The following LRRTM4 variants were observed in gnomAD, a reference collection of about 807,000 sequenced individuals.
The protein encoded by LRRTM4 is leucine rich repeat transmembrane neuronal 4.
A neutral mutation model predicts 47.6 loss-of-function variants in LRRTM4; 25 were observed. The ratio of observed to expected loss-of-function variants is 0.53; its 90% CI spans 0.38 to 0.73. LRRTM4 has a LOEUF of 0.73. Ranked by LOEUF, LRRTM4 falls within the 30% of genes least tolerant of loss-of-function variation. LRRTM4 has a pLI of 0.00. For synonymous variants in LRRTM4, 311 were observed against 269.5 expected (o/e 1.15, Z -1.51); for missense variants, 638 against 713.4 (o/e 0.89, Z 1.20).
At chr2:76,930,423 T>G (rs1244160168) in intron 3 of LRRTM4, among the ~76,000 whole-genome samples, 1 of 150,924 alleles carries the variant, frequency 6.6e-6, no homozygotes, top group African/African-American at 2.5e-5. Context: ...TTGTTCTTAT[T>G]TTATTATTTT....
At chr2:76,816,457 G>A (rs1394710423) in intron 3 of LRRTM4, among the ~76,000 whole-genome samples, 2 of 152,022 alleles carry the variant, frequency 1.3e-5, no homozygotes, top group Non-Finnish European at 2.9e-5. Flanking sequence ...TGAAAGCTAT[G>A]CTTTACAAGC....
At chr2:77,245,121 G>A (rs1675396148) in intron 3 of LRRTM4, among the ~76,000 whole-genome samples, 1 of 152,112 alleles carries the variant, frequency 6.6e-6, no homozygotes, top group African/African-American at 2.4e-5. Context: ...AAATGCTACT[G>A]AGAGAGACAA....
At chr2:76,759,997 T>A (rs1558635760) in intron 3 of LRRTM4, among the ~76,000 whole-genome samples, 1 of 152,192 alleles carries the variant, frequency 6.6e-6, no homozygotes, top group Non-Finnish European at 1.5e-5. Flanking sequence ...CTTCACGATG[T>A]CAGAAAACTT....
rs566514636 is a variant in LRRTM4 at position 77,031,009 on chromosome 2, T to C, written c.1552-282093A>G. On this transcript the variant is annotated intron_variant, in intron 3 of 3. Coordinates refer to ENST00000409884, the MANE Select transcript of LRRTM4 (RefSeq NM_001134745.3). ...GAGATTCACTGGACAGTGGGATTTA[T>C]CTTTTTCTTTGTGAATAAACTGTAA... Among the ~76,000 whole-genome samples the C allele has an allele frequency of 1.5e-3, 236 of 152,326 alleles. 2 individuals are homozygous for C. Among genetic ancestry groups the C allele is most frequent in the African/African-American group, 5.4e-3 (225 of 41,580 alleles).
At chr2:77,086,674 T>C (rs2103871496) in intron 3 of LRRTM4, among the ~76,000 whole-genome samples, 1 of 152,084 alleles carries the variant, frequency 6.6e-6, no homozygotes, top group South Asian at 2.1e-4. Context: ...TTGTTATTTT[T>C]AGTAGAGACG....
chr2:76,756,436 G>T (rs186210760), intron 3 of LRRTM4, among the ~76,000 whole-genome samples: 22 of 152,138 alleles, frequency 1.4e-4, no homozygotes, highest in African/African-American at 4.1e-4. Flanking sequence ...CTTACTCAAG[G>T]CTTCTTGGGT....
chr2:76,921,336 T>C (rs943845354), intron 3 of LRRTM4, among the ~76,000 whole-genome samples: 3 of 152,108 alleles, frequency 2.0e-5, no homozygotes, highest in South Asian at 4.1e-4. Flanking sequence ...CCTTCTCAGC[T>C]ATCATATGAA....
rs544746152 is a variant in LRRTM4, at chr2:76,891,265, G to A, written c.1552-142349C>T. On this transcript the variant is annotated intron_variant, in intron 3 of 3. Coordinates refer to ENST00000409884, the MANE Select transcript of LRRTM4 (RefSeq NM_001134745.3). ...TATAATAAGAGGAGAGGTTCTCAAG[G>A]AAATTTAGCTGACCAACTCAATCAC... Among the ~76,000 whole-genome samples, 13 of 151,904 alleles carry A rather than the reference G, an allele frequency of 8.6e-5. No homozygotes were observed. The East Asian group carries it at 2.3e-3, about 27-fold the overall frequency.
At chr2:76,917,077 C>A (rs970490812) in intron 3 of LRRTM4, among the ~76,000 whole-genome samples, 54 of 152,212 alleles carry the variant, frequency 3.5e-4, no homozygotes, top group Non-Finnish European at 4.9e-4. Context: ...CAGGGGTTGG[C>A]TACCTTTTTC....
intron 3 of LRRTM4, among the ~76,000 whole-genome samples, chr2:76,821,650 C>A (rs17405004): frequency 2.6e-5 from 4 of 151,756 alleles, no homozygotes; most frequent in Non-Finnish European, 3.0e-5. Context: ...GGAGCATTTC[C>A]TTTGACTTCT....
At chr2:76,877,856 C>A (rs953798947) in intron 3 of LRRTM4, among the ~76,000 whole-genome samples, 3 of 151,982 alleles carry the variant, frequency 2.0e-5, no homozygotes, top group Non-Finnish European at 2.9e-5. Context: ...GTGAAGCAAA[C>A]CCCTAATCTG....
At chr2:76,912,249 T>C (rs983692997) in intron 3 of LRRTM4, among the ~76,000 whole-genome samples, 1 of 152,118 alleles carries the variant, frequency 6.6e-6, no homozygotes, top group Non-Finnish European at 1.5e-5. Context: ...GATGTATGAA[T>C]ATAATAAAAT....
intron 3 of LRRTM4, among the ~76,000 whole-genome samples, chr2:77,316,552 CTT>C (rs11302099): frequency 9.6e-5 from 14 of 146,218 alleles, no homozygotes; most frequent in Admixed American, 2.1e-4. Flanking sequence ...AAATTGCTAT[CTT>C]TTTTTTTTTT....
At chr2:76,885,588 G>C (rs1422942644) in intron 3 of LRRTM4, among the ~76,000 whole-genome samples, 1 of 150,820 alleles carries the variant, frequency 6.6e-6, no homozygotes, top group African/African-American at 2.4e-5. Context: ...TCAGCCTCCT[G>C]AGTAGCTGGG....
intron 3 of LRRTM4, among the ~76,000 whole-genome samples, chr2:77,319,057 A>T (rs1225678834): frequency 2.0e-5 from 3 of 152,108 alleles, no homozygotes; most frequent in Non-Finnish European, 4.4e-5. Context: ...ACAGTTAATT[A>T]TCATGGGTAT....
At chr2:77,079,194 T>A (rs979780814) in intron 3 of LRRTM4, among the ~76,000 whole-genome samples, 1 of 152,158 alleles carries the variant, frequency 6.6e-6, no homozygotes, top group Non-Finnish European at 1.5e-5. Context: ...CTGCCAGTAA[T>A]AGATTTGTAC....
chr2:77,013,830 A>C (rs1677960705), intron 3 of LRRTM4, among the ~76,000 whole-genome samples: 1 of 152,212 alleles, frequency 6.6e-6, no homozygotes, highest in Non-Finnish European at 1.5e-5. Flanking sequence ...AATGTTAACT[A>C]TAAAGAGGCT....
intron 3 of LRRTM4, among the ~76,000 whole-genome samples, chr2:77,458,693 T>G (rs1475722573): frequency 6.6e-6 from 1 of 151,770 alleles, no homozygotes; most frequent in Non-Finnish European, 1.5e-5. Context: ...AGAGGTTCGG[T>G]GGATGGCTGG....
chr2:77,213,359 G>A (rs1209599778), intron 3 of LRRTM4, among the ~76,000 whole-genome samples: 1 of 151,950 alleles, frequency 6.6e-6, no homozygotes, highest in East Asian at 1.9e-4. Context: ...TCTACTACTT[G>A]TTGTGTCATG....
Sources: allele counts gnomAD v4.1 joint callset (sites outside exome capture counted in the v4.1 genomes callset), GRCh38; gene constraint gnomAD v4.1.1; transcripts MANE v1.5; gene names NCBI Gene and HGNC (gene_info 2026-07-23, HGNC 2026-07-21).